Variants in USP20 observed in about 807,000 individuals in gnomAD.
The protein encoded by USP20 is ubiquitin carboxyl-terminal hydrolase 20.
Under a neutral mutation model 124.2 loss-of-function variants are expected in USP20, and 80 were observed. That is an observed-to-expected ratio of 0.64 (90% CI 0.54 to 0.78). The LOEUF (loss-of-function observed/expected upper bound fraction) is 0.78. Ranked by LOEUF, USP20 falls within the 30% of genes least tolerant of loss-of-function variation. The pLI is 0.00. For synonymous variants in USP20, 481 were observed against 512.3 expected (o/e 0.94, Z 0.83); for missense variants, 1,043 against 1,244.4 (o/e 0.84, Z 2.44).
Position 129,873,372 on chromosome 9 carries a change from C to T in USP20, c.1661-110C>T, listed in dbSNP as rs2034225560. 3.6e-6 allele frequency: 5 copies of T among 1,389,400 alleles called. No individual in the cohort carries two copies. In the South Asian group the frequency reaches 4.7e-5, roughly 13 times the overall value. 86.1% of individuals were successfully genotyped at this position (1,389,400 alleles called of 1,614,324 possible). On this transcript the variant is annotated intron_variant, in intron 15 of 25. Transcript: ENST00000372429. Reference sequence around the variant, plus strand: ...GTGCTAGGATTACACGCATGAGCCACCATGCCCAGCCAGGTTTTATTTCTT... The same window carrying T: ...GTGCTAGGATTACACGCATGAGCCATCATGCCCAGCCAGGTTTTATTTCTT...
rs1425600457 is a variant in USP20, at chr9:129,879,665, G to A, written c.2584+21G>A. On this transcript the variant is annotated intron_variant, in intron 24 of 25. Coordinates refer to ENST00000372429, the MANE Select transcript of USP20 (RefSeq NM_001110303.4). The surrounding 1 kb of genome is among the most constrained non-coding windows in gnomAD (Gnocchi z 4.2). ...GCAGGGTGAGTTCCCCCTGGGGTCA[G>A]CCAGGCTCCTCTCTGCCCTTCCTGG... 3 of 1,613,488 alleles carry A rather than the reference G, an allele frequency of 1.9e-6. No individual in the cohort carries two copies. The highest frequency in any genetic ancestry group is 8.5e-7 in the Non-Finnish European group (1 of 1,179,762).
intron 1 of USP20, among the ~76,000 whole-genome samples, chr9:129,846,622 CTT>C (rs11378286): frequency 2.6e-4 from 35 of 132,260 alleles, no homozygotes; most frequent in Admixed American, 3.1e-4. Flanking sequence ...AAGTTACTGT[CTT>C]TTTTTTTTTT....
In USP20 at chr9:129,865,322, A is replaced by AC; in HGVS notation, c.633dup (p.Ser212GlnfsTer56). 2 of 1,614,154 alleles carry AC rather than the reference A, an allele frequency of 1.2e-6. No individual in the cohort carries two copies. Among genetic ancestry groups the AC allele is most frequent in the Non-Finnish European group, 1.7e-6 (2 of 1,179,996 alleles). On this transcript the variant is annotated frameshift_variant, in exon 10 of 26. Coordinates refer to ENST00000372429, the MANE Select transcript of USP20 (RefSeq NM_001110303.4). LOFTEE classifies it high-confidence loss of function. ...CTACAGGCCAAGCTACGTGGTCCCC[A>AC]CCAGTCTGTCTCATGGGATCAAGTT...
chr9:129,853,833 T>C (rs2033069167), intron 3 of USP20, among the ~76,000 whole-genome samples: 1 of 152,108 alleles, frequency 6.6e-6, no homozygotes, highest in Non-Finnish European at 1.5e-5. Flanking sequence ...CAGGAAGGTT[T>C]GCACTGGGCC....
chr9:129,871,135 A>C (rs10739760), intron 15 of USP20, among the ~76,000 whole-genome samples: 130,839 of 152,096 alleles, frequency 0.86, 56,967 homozygotes, highest in East Asian at 1. Flanking sequence ...CAGAACTTTT[A>C]CATCTTGCAA....
chr9:129,875,164 G>C, intron 19 of USP20, 146 bp from the exon 20 acceptor site: 2 of 1,231,130 alleles, frequency 1.6e-6, no homozygotes, highest in Non-Finnish European at 2.2e-6. Context: ...CGGCACAGGG[G>C]GCTGCTCACA....
At chr9:129,850,881 T>G (rs1413129077) in intron 2 of USP20, among the ~76,000 whole-genome samples, 1 of 152,172 alleles carries the variant, frequency 6.6e-6, no homozygotes, top group Non-Finnish European at 1.5e-5. Context: ...CTTGATCTCC[T>G]GACCTCAGGT....
Position 129,880,228 on chromosome 9 carries a change from C to G in USP20, c.2700C>G (p.Asn900Lys). 1 of 1,613,004 alleles carries G rather than the reference C, an allele frequency of 6.2e-7. No individual in the cohort carries two copies. The highest frequency in any genetic ancestry group is 8.5e-7 in the Non-Finnish European group (1 of 1,179,754). Residue 900 changes from asparagine to lysine, a missense_variant, in exon 25 of 26, where the codon AAC (asparagine) becomes AAG (lysine). Asn to Lys is a moderately conservative substitution (Grantham distance 94). Transcript: ENST00000372429. Reference protein sequence around the residue: ...QSVAQPLGPENLHGEQKIEAE... With the variant: ...QSVAQPLGPEKLHGEQKIEAE... ...TGGCGCAGCCGCTGGGCCCAGAGAA[C>G]CTGCACGGGGAGCAGAAGATCGAAG...
At chr9:129,847,701 G>A (rs944402177) in intron 1 of USP20, among the ~76,000 whole-genome samples, 1 of 152,060 alleles carries the variant, frequency 6.6e-6, no homozygotes, top group Non-Finnish European at 1.5e-5. Flanking sequence ...GATTTGACAG[G>A]TGTATACACT....
At position 129,865,987 on chromosome 9, in the gene USP20, G is replaced by A. The variant is rs3780703; in HGVS notation, c.690+606G>A. On this transcript the variant is annotated intron_variant, in intron 10 of 25. Transcript: ENST00000372429. ...TTTTTTAAATCTAGAGAACCCTTTTGAAACCAATCACATTTTTCTATTTTA... is the reference window on the plus strand; with the variant it reads ...TTTTTTAAATCTAGAGAACCCTTTTAAAACCAATCACATTTTTCTATTTTA... Among the ~76,000 whole-genome samples the A allele has an allele frequency of 7.5e-4, 115 of 152,320 alleles. 2 individuals are homozygous for A. In the East Asian group the frequency reaches 9.3e-3, roughly 12 times the overall value.
At chr9:129,871,993 G>T (rs566325141) in intron 15 of USP20, among the ~76,000 whole-genome samples, 3 of 152,194 alleles carry the variant, frequency 2.0e-5, no homozygotes, top group East Asian at 3.9e-4. Context: ...TGGGATTACC[G>T]GCGTGAGCCA....
At chr9:129,844,394 G>A (rs182389651) in intron 1 of USP20, among the ~76,000 whole-genome samples, 7 of 152,184 alleles carry the variant, frequency 4.6e-5, no homozygotes, top group African/African-American at 1.7e-4. Context: ...GGGAGGCCCA[G>A]GCAGATGGAT....
intron 9 of USP20, among the ~76,000 whole-genome samples, chr9:129,864,206 C>T (rs190282037): frequency 6.6e-6 from 1 of 151,926 alleles, no homozygotes; most frequent in Non-Finnish European, 1.5e-5. Flanking sequence ...CAGTCACTGA[C>T]ACCTGTAAAT....
At chr9:129,877,909 A>T (rs948769431) in intron 22 of USP20, among the ~76,000 whole-genome samples, 1 of 152,072 alleles carries the variant, frequency 6.6e-6, no homozygotes, top group African/African-American at 2.4e-5. Flanking sequence ...CCCCGTCTCT[A>T]CTAAAAACAC....
In USP20 at chr9:129,875,546, T is replaced by A. The variant is rs1442217422; in HGVS notation, c.2219-14T>A. On this transcript the variant is annotated splice_polypyrimidine_tract_variant and intron_variant, in intron 20 of 25. Coordinates refer to ENST00000372429, the MANE Select transcript of USP20 (RefSeq NM_001110303.4). ...GGCCGAGCCACAGCTTCGCTCCCTG[T>A]ACCTTCTTCCCAGGCATCCCGCCCC... 1 of 1,614,030 alleles carries A rather than the reference T, an allele frequency of 6.2e-7. No individual in the cohort carries two copies. Among genetic ancestry groups the A allele is most frequent in the Non-Finnish European group, 8.5e-7 (1 of 1,179,976 alleles).
rs550594776 is a variant in USP20 at position 129,876,017 on chromosome 9, C to T, written c.2301-113C>T. 4.9e-5 allele frequency: 48 copies of T among 982,616 alleles called. No homozygotes were observed. The South Asian group carries it at 5.2e-4, about 11-fold the overall frequency. 60.9% of individuals were successfully genotyped at this position (982,616 alleles called of 1,614,324 possible). A position where few individuals can be genotyped will look rare whatever the true frequency, so the allele number is the denominator to read the frequency against. On this transcript the variant is annotated intron_variant, in intron 21 of 25. Transcript: ENST00000372429. Reference sequence around the variant, plus strand: ...TCACACAGAGGTGCATGCAGGCCTGCGACAGCGCTGAGGGGGCACTGATGG... The same window carrying T: ...TCACACAGAGGTGCATGCAGGCCTGTGACAGCGCTGAGGGGGCACTGATGG...
In USP20 at chr9:129,847,933, C is replaced by T. The variant is rs148514248; in HGVS notation, c.-128-1880C>T. On this transcript the variant is annotated intron_variant, in intron 1 of 25. Transcript: ENST00000372429. ...TTTTTTTGCTCAGTTTAATGTTTCT[C>T]TAAATCCGACTCATGATTTAGAGCA... Among the ~76,000 whole-genome samples the T allele has an allele frequency of 1.1e-4, 15 of 134,838 alleles. No individual in the cohort carries two copies. In the South Asian group the frequency reaches 3.2e-3, roughly 29 times the overall value. 88.5% of individuals were successfully genotyped at this position (134,838 alleles called of 152,430 possible). A position where few individuals can be genotyped will look rare whatever the true frequency, so the allele number is the denominator to read the frequency against.
intron 1 of USP20, chr9:129,835,943 A>G (rs1226650983): frequency 6.6e-6 from 1 of 152,128 alleles, no homozygotes; most frequent in African/African-American, 2.4e-5. Flanking sequence ...ACTGCCTCAC[A>G]AATAATGGCC....
In USP20 at chr9:129,858,573, G is replaced by C. The variant is rs763093813; in HGVS notation, c.305G>C (p.Gly102Ala). The C allele has an allele frequency of 3.7e-5, 59 of 1,614,044 alleles. No individual in the cohort carries two copies. The South Asian group carries it at 6.1e-4, about 17-fold the overall frequency. The change falls in exon 6 of 26, where the codon GGC (glycine) becomes GCC (alanine). Residue 102 changes from glycine (G) to alanine (A), a missense_variant. By Grantham distance (60) the Gly-to-Ala change is moderately conservative (BLOSUM62 0). Coordinates refer to ENST00000372429, the MANE Select transcript of USP20 (RefSeq NM_001110303.4). ...CAGCGGCTGGCAGCCCCTCTGCTGGGCTCCTCTTCCAAGTTCTCTGAACAG... is the reference window on the plus strand; with the variant it reads ...CAGCGGCTGGCAGCCCCTCTGCTGGCCTCCTCTTCCAAGTTCTCTGAACAG... ...LEQRLAAPLLGSSSKFSEQDS... is the reference protein window; with the variant it reads ...LEQRLAAPLLASSSKFSEQDS...
Sources: gnomAD v4.1 joint callset for allele counts (sites outside exome capture counted in the v4.1 genomes callset) on GRCh38, gnomAD v4.1.1 for gene constraint, Gnocchi (gnomAD v3.1) non-coding constraint, MANE v1.5 for transcripts, NCBI Gene and HGNC (gene_info 2026-07-23, HGNC 2026-07-21) for gene names.